The following TCEA2 variants were observed in gnomAD, a reference collection of about 807,000 sequenced individuals.
The protein encoded by TCEA2 is transcription elongation factor A2, also known as transcription elongation factor A protein 2.
Under a neutral mutation model 40.8 loss-of-function variants are expected in TCEA2, and 21 were observed. That is an observed-to-expected ratio of 0.51 (90% CI 0.36 to 0.74). The LOEUF is 0.74. Ranked by LOEUF, TCEA2 falls within the 30% of genes least tolerant of loss-of-function variation. The pLI, the probability that TCEA2 is intolerant of heterozygous loss-of-function variation, is 0.00. For missense variants in TCEA2, 326 were observed against 426.5 expected (o/e 0.76, Z 2.08); for synonymous variants, 165 against 162.7 (o/e 1.01, Z -0.11).
At chr20:64,060,724 A>C (rs997382313), upstream of TCEA2, among the ~76,000 whole-genome samples, 3 of 152,134 alleles carry the variant, frequency 2.0e-5, no homozygotes, top group African/African-American at 7.2e-5. Flanking sequence ...ATAATAATAT[A>C]ATATCGCGGG....
intron 5 of TCEA2, 117 bp downstream of exon 5, chr20:64,069,608 G>T: frequency 6.5e-7 from 1 of 1,541,912 alleles, no homozygotes; most frequent in Non-Finnish European, 8.8e-7. Context: ...CCAGCCCATT[G>T]CTGTGGCCCT....
upstream of TCEA2, among the ~76,000 whole-genome samples, chr20:64,060,696 G>A (rs1407920858): frequency 6.6e-6 from 1 of 152,164 alleles, no homozygotes; most frequent in East Asian, 1.9e-4. Flanking sequence ...TGGAAACCGT[G>A]TTCATCTATT....
At chr20:64,063,146 G>A (rs2059604034), upstream of TCEA2, 5 of 482,158 alleles carry the variant, frequency 1.0e-5, no homozygotes, top group African/African-American at 4.1e-5. Flanking sequence ...CGCATCCTAG[G>A]ATGCCGCGCG....
intron 4 of TCEA2, 145 bp from the exon 5 acceptor site, chr20:64,069,216 C>T (rs2059767024): frequency 7.9e-7 from 1 of 1,270,612 alleles, no homozygotes; most frequent in Admixed American, 2.7e-5. Flanking sequence ...GGCAGGGCCA[C>T]AGGCCACTGT....
intron 2 of TCEA2, 94 bp downstream of exon 2, chr20:64,066,632 C>A: frequency 7.1e-7 from 1 of 1,405,436 alleles, no homozygotes; most frequent in Non-Finnish European, 9.9e-7. Context: ...TCCCCACCCT[C>A]CCCACCAGGC....
At chr20:64,062,509 G>T (rs577838460), upstream of TCEA2, 6 of 152,402 alleles carry the variant, frequency 3.9e-5, no homozygotes, top group African/African-American at 1.2e-4. Context: ...CACAGGTGGG[G>T]AGACTGAGAC....
upstream of TCEA2, among the ~76,000 whole-genome samples, chr20:64,060,257 C>A (rs1173353122): frequency 6.6e-6 from 1 of 152,202 alleles, no homozygotes. Context: ...CCCCCCCACC[C>A]CCAGCTTGAG....
chr20:64,057,684 G>C (rs816956), intron 1 of TCEA2: 92,017 of 152,026 alleles, frequency 0.61, 28,252 homozygotes, highest in East Asian at 0.7. Flanking sequence ...CTGCTGGGGG[G>C]CGAGAATGCT....
rs762787148 is a variant in TCEA2, at chr20:64,066,523, G to A, written c.120G>A (p.Thr40=). The A allele has an allele frequency of 1.4e-5, 23 of 1,613,768 alleles. No individual in the cohort carries two copies. Among genetic ancestry groups the A allele is most frequent in the South Asian group, 4.4e-5 (4 of 91,082 alleles). The change falls in exon 2 of 10, where the codon ACG becomes ACA. Residue 40 remains threonine, a synonymous_variant. Transcript: ENST00000343484. The part of the protein sequence containing the change: ...LLRELKAMPI[T]LHLLQSTRVG... ...GGGAGCTGAAGGCCATGCCTATCAC[G>A]CTGCACCTGCTCCAGGTAGGTCCCT...
Position 64,070,518 on chromosome 20 carries a change from C to T in TCEA2, c.702C>T (p.Ile234=). The change falls in exon 8 of 10, where the codon ATC becomes ATT. Residue 234 remains isoleucine (I), a synonymous_variant. Coordinates refer to ENST00000343484, the MANE Select transcript of TCEA2 (RefSeq NM_003195.6). The part of the protein sequence containing the change: ...EEMASDELKE[I]RKAMTKEAIR... Reference sequence around the variant, plus strand: ...TGGCCAGTGATGAGCTGAAGGAGATCCGTAAGGCCATGACCAAGGAGGCCA... The same window carrying T: ...TGGCCAGTGATGAGCTGAAGGAGATTCGTAAGGCCATGACCAAGGAGGCCA... 1 of 1,613,856 alleles carries T rather than the reference C, an allele frequency of 6.2e-7. No individual in the cohort carries two copies. Among genetic ancestry groups the T allele is most frequent in the Non-Finnish European group, 8.5e-7 (1 of 1,180,030 alleles).
At chr20:64,068,742 CT>C (rs1377301211) in intron 4 of TCEA2, among the ~76,000 whole-genome samples, 4 of 152,280 alleles carry the variant, frequency 2.6e-5, no homozygotes, top group Non-Finnish European at 5.9e-5. Context: ...CTCCAGGAAG[CT>C]GCCTGCTTCT....
In TCEA2 at chr20:64,068,078, G is replaced by A; in HGVS notation, c.273G>A (p.Gly91=). The part of the protein sequence containing the change: ...DASDAKARER[G]RGMPLPTSSR... Reference sequence around the variant, plus strand: ...CCGATGCCAAAGCCAGGGAGCGGGGGAGGGGCATGCCTCTGCCCACGTCCT... The same window carrying A: ...CCGATGCCAAAGCCAGGGAGCGGGGAAGGGGCATGCCTCTGCCCACGTCCT... The change falls in exon 4 of 10, where the codon GGG becomes GGA. Residue 91 remains glycine (G), a synonymous_variant. Transcript: ENST00000343484. 6.2e-7 allele frequency: 1 copy of A among 1,608,448 alleles called. No individual in the cohort carries two copies. Among genetic ancestry groups the A allele is most frequent in the Non-Finnish European group, 8.5e-7 (1 of 1,177,816 alleles).
rs562212317 is a variant in TCEA2 at position 64,066,135 on chromosome 20, C to T, written c.73-341C>T. On this transcript the variant is annotated intron_variant, in intron 1 of 9. Transcript: ENST00000343484. ...GTGGCTCTGAAGCCTCATGATTGGC[C>T]AGGGGAGCTGGCATTTCTGTTCTGG... 30 of 214,488 alleles carry T rather than the reference C, an allele frequency of 1.4e-4. No individual in the cohort carries two copies. In the South Asian group the frequency reaches 2.5e-3, roughly 18 times the overall value. The allele number at this position is 214,488 out of a possible 1,614,324, so 13.3% of individuals were successfully genotyped here.
upstream of TCEA2, among the ~76,000 whole-genome samples, chr20:64,061,345 C>T (rs1281790584): frequency 4.7e-5 from 7 of 150,050 alleles, no homozygotes; most frequent in South Asian, 4.3e-4. Context: ...GCATGATCGC[C>T]GCTCACTGCA....
intron 1 of TCEA2, chr20:64,065,899 C>G (rs1028547642): frequency 6.5e-6 from 1 of 152,922 alleles, no homozygotes; most frequent in South Asian, 2.0e-4. Flanking sequence ...GGCCTCAGCT[C>G]GGGACACTGA....
chr20:64,055,796 C>G (rs963113359), upstream of TCEA2, among the ~76,000 whole-genome samples: 1 of 152,052 alleles, frequency 6.6e-6, no homozygotes, highest in Non-Finnish European at 1.5e-5. The surrounding 1 kb of genome is among the most constrained non-coding windows in gnomAD (Gnocchi z 4.0). Context: ...TCTGCCGCGG[C>G]GGGAGCCTGG....
At chr20:64,063,184 G>A (rs930881251), upstream of TCEA2, 76 of 797,872 alleles carry the variant, frequency 9.5e-5, 1 homozygote, top group African/African-American at 4.8e-4. Context: ...GTTTGAACCG[G>A]GGGTCTGTCG....
At chr20:64,063,149 G>A, upstream of TCEA2, 1 of 500,602 alleles carries the variant, frequency 2.0e-6, no homozygotes, top group South Asian at 8.9e-5. Context: ...ATCCTAGGAT[G>A]CCGCGCGCGG....
At chr20:64,068,924 C>T (rs1370916909) in intron 4 of TCEA2, among the ~76,000 whole-genome samples, 1 of 152,242 alleles carries the variant, frequency 6.6e-6, no homozygotes, top group Non-Finnish European at 1.5e-5. Context: ...GCCTTGTCTC[C>T]CCCCAGACAG....
Sources: allele counts gnomAD v4.1 joint callset (sites outside exome capture counted in the v4.1 genomes callset), GRCh38; gene constraint gnomAD v4.1.1; non-coding constraint Gnocchi (gnomAD v3.1); transcripts MANE v1.5; gene names NCBI Gene and HGNC (gene_info 2026-07-23, HGNC 2026-07-21).